Variants in TAF3 observed in about 807,000 individuals in gnomAD.
The protein encoded by TAF3 is transcription initiation factor TFIID subunit 3.
TAF3 carries 7 observed loss-of-function variants against 80.6 expected under a neutral mutation model. That is an observed-to-expected ratio of 0.09 (90% confidence interval 0.05 to 0.16). TAF3 has a LOEUF of 0.16. Ranked by LOEUF, TAF3 falls within the 10% of genes least tolerant of loss-of-function variation. The pLI is 1.00. For missense variants in TAF3, 921 were observed against 1,140.2 expected (o/e 0.81, Z 2.77); for synonymous variants, 444 against 446.1 (o/e 1.00, Z 0.06).
intron 4 of TAF3, among the ~76,000 whole-genome samples, chr10:7,998,844 A>C (rs1831915608): frequency 6.6e-6 from 1 of 152,036 alleles, no homozygotes; most frequent in Non-Finnish European, 1.5e-5. Context: ...ATCTCAAAAA[A>C]AAAAAGAAAA....
chr10:7,897,621 A>G (rs1837516954), intron 2 of TAF3, among the ~76,000 whole-genome samples: 2 of 151,214 alleles, frequency 1.3e-5, no homozygotes, highest in Non-Finnish European at 2.9e-5. Flanking sequence ...ATTTTCGCAT[A>G]ACTTCCTTTC....
At chr10:7,833,383 T>A (rs190418624) in intron 2 of TAF3, among the ~76,000 whole-genome samples, 215 of 152,344 alleles carry the variant, frequency 1.4e-3, no homozygotes, top group African/African-American at 5.0e-3. Context: ...TCATCTTTTT[T>A]ATAGCAGCCA....
chr10:7,938,845 C>T (rs1837949910), intron 2 of TAF3, among the ~76,000 whole-genome samples: 1 of 152,156 alleles, frequency 6.6e-6, no homozygotes, highest in Admixed American at 6.5e-5. Context: ...GGAGTTAAAT[C>T]CTGAGGGAGC....
intron 4 of TAF3, among the ~76,000 whole-genome samples, chr10:7,994,106 C>G (rs1831861427): frequency 6.8e-6 from 1 of 146,176 alleles, no homozygotes; most frequent in South Asian, 2.2e-4. Context: ...CTTCTTCTTT[C>G]TCTTTCTCTT....
chr10:7,955,022 G>C (rs964744546), intron 2 of TAF3, among the ~76,000 whole-genome samples: 3 of 152,048 alleles, frequency 2.0e-5, no homozygotes, highest in Non-Finnish European at 4.4e-5. Flanking sequence ...ATTAGTCCCA[G>C]TTAACACAGA....
At chr10:7,931,721 A>T (rs1465431936) in intron 2 of TAF3, among the ~76,000 whole-genome samples, 2 of 152,222 alleles carry the variant, frequency 1.3e-5, no homozygotes, top group Non-Finnish European at 2.9e-5. Flanking sequence ...AGTTCTGGGT[A>T]GTCAATCAGG....
Position 7,964,375 on chromosome 10 carries a change from G to A in TAF3, c.865G>A (p.Ala289Thr), listed in dbSNP as rs201464808. Residue 289 changes from alanine to threonine, a missense_variant, in exon 3 of 7, where the codon GCC (alanine) becomes ACC (threonine). Around this residue, in one of 6 missense-constraint regions of TAF3, gnomAD observed 743 missense variants for 821.0 expected, o/e 0.90. Transcript: ENST00000344293. This position sits in a 1 kb window ranked among gnomAD's most constrained non-coding sequence, Gnocchi z 4.1. ...PGQKTKSPKT[A>T]QSPAMVGSPI... ...ACAGAAGACTAAATCACCTAAAACC[G>A]CCCAGTCACCAGCAATGGTCGGAAG... 94 of 1,613,860 alleles carry A rather than the reference G, an allele frequency of 5.8e-5. No individual in the cohort carries two copies. The highest frequency in any genetic ancestry group is 3.3e-4 in the Middle Eastern group (2 of 6,082).
intron 2 of TAF3, among the ~76,000 whole-genome samples, chr10:7,912,448 GAT>G (rs1837665512): frequency 2.0e-5 from 3 of 152,058 alleles, no homozygotes; most frequent in African/African-American, 7.2e-5. Context: ...TAGTGGAAAA[GAT>G]AATAATTTAG....
At chr10:7,906,151 A>G (rs577414138) in intron 2 of TAF3, among the ~76,000 whole-genome samples, 1 of 152,198 alleles carries the variant, frequency 6.6e-6, no homozygotes, top group South Asian at 2.1e-4. Context: ...CTCTTGTCCA[A>G]TTCCTCTTTC....
chr10:7,964,072 G>A lies in TAF3; in HGVS notation c.562G>A (p.Glu188Lys). Residue 188 changes from glutamate to lysine, a missense_variant, in exon 3 of 7, where the codon GAA (glutamate) becomes AAA (lysine). Glu to Lys is a moderately conservative substitution (Grantham distance 56, BLOSUM62 1). Around this residue, in one of 6 missense-constraint regions of TAF3, gnomAD observed 743 missense variants for 821.0 expected, o/e 0.90. Transcript: ENST00000344293. This position sits in a 1 kb window ranked among gnomAD's most constrained non-coding sequence, Gnocchi z 4.1. ...KRPLDSPEAE[E>K]LPAMKRPRLL... Reference sequence around the variant, plus strand: ...ACCACTGGATAGTCCTGAAGCTGAAGAACTGCCAGCCATGAAGCGGCCTCG... The same window carrying A: ...ACCACTGGATAGTCCTGAAGCTGAAAAACTGCCAGCCATGAAGCGGCCTCG... The A allele has an allele frequency of 6.2e-7, 1 of 1,614,076 alleles. No homozygotes were observed. The highest frequency in any genetic ancestry group is 8.5e-7 in the Non-Finnish European group (1 of 1,180,006).
intron 2 of TAF3, among the ~76,000 whole-genome samples, chr10:7,855,058 G>GT (rs1837064951): frequency 6.6e-6 from 1 of 152,090 alleles, no homozygotes; most frequent in African/African-American, 2.4e-5. Context: ...GAATAGAATG[G>GT]GATAAAAGGC....
intron 2 of TAF3, among the ~76,000 whole-genome samples, chr10:7,843,840 T>C (rs917383364): frequency 6.6e-6 from 1 of 152,146 alleles, no homozygotes; most frequent in Admixed American, 6.5e-5. Context: ...TTAAATACAC[T>C]CTTGTTAGTT....
chr10:7,957,822 T>TCTCTCA (rs1166544446), intron 2 of TAF3, among the ~76,000 whole-genome samples: 2 of 151,658 alleles, frequency 1.3e-5, no homozygotes, highest in Non-Finnish European at 2.9e-5. Context: ...TCTCTCTCTC[T>TCTCTCA]CTCTCGATGT....
rs146770338 is a variant in TAF3 at position 7,847,290 on chromosome 10, T to C, written c.409+22730T>C. Among the ~76,000 whole-genome samples, 591 of 152,320 alleles carry C rather than the reference T, an allele frequency of 3.9e-3. 7 individuals carry two copies. The highest frequency in any genetic ancestry group is 0.014 in the African/African-American group (572 of 41,576). On this transcript the variant is annotated intron_variant, in intron 2 of 6. Coordinates refer to ENST00000344293, the MANE Select transcript of TAF3 (RefSeq NM_031923.4). Reference sequence around the variant, plus strand: ...TATGTCTAAGAACAAACAAGAAATATGGTCTCTCATCTAGTCATTCAAAAG... The same window carrying C: ...TATGTCTAAGAACAAACAAGAAATACGGTCTCTCATCTAGTCATTCAAAAG...
intron 2 of TAF3, among the ~76,000 whole-genome samples, chr10:7,899,029 A>C (rs540955470): frequency 5.3e-5 from 8 of 152,074 alleles, no homozygotes; most frequent in Non-Finnish European, 8.8e-5. Context: ...CTTTTATTCT[A>C]GGTGAGATTC....
chr10:7,893,733 C>G (rs1157574696), intron 2 of TAF3, among the ~76,000 whole-genome samples: 1 of 152,164 alleles, frequency 6.6e-6, no homozygotes, highest in Admixed American at 6.5e-5. Context: ...TTCCCTCTTT[C>G]CCCTGCCCTT....
intron 2 of TAF3, among the ~76,000 whole-genome samples, chr10:7,899,166 C>T (rs947672033): frequency 1.3e-5 from 2 of 152,132 alleles, no homozygotes; most frequent in African/African-American, 4.8e-5. Flanking sequence ...CTCAATATTG[C>T]GATTTTCGAT....
intron 2 of TAF3, among the ~76,000 whole-genome samples, chr10:7,882,432 A>G (rs1327544440): frequency 6.6e-6 from 1 of 152,212 alleles, no homozygotes; most frequent in Non-Finnish European, 1.5e-5. Context: ...GGGATGAGAA[A>G]AGGAATCTTC....
At chr10:7,897,025 A>G (rs545800678) in intron 2 of TAF3, among the ~76,000 whole-genome samples, 21 of 152,290 alleles carry the variant, frequency 1.4e-4, no homozygotes, top group African/African-American at 4.6e-4. Context: ...TCTTGACCAC[A>G]TGGTCCCTCC....
Sources: gnomAD v4.1 joint callset for allele counts (sites outside exome capture counted in the v4.1 genomes callset) on GRCh38, gnomAD v4.1.1 for gene constraint, gnomAD v4.1.1 regional missense constraint, Gnocchi (gnomAD v3.1) non-coding constraint, MANE v1.5 for transcripts, NCBI Gene and HGNC (gene_info 2026-07-23, HGNC 2026-07-21) for gene names.